DISP3: variants seen among roughly 807,000 people sequenced by gnomAD.
DISP3 encodes the protein dispatched RND transporter family member 3.
DISP3 carries 101 observed loss-of-function variants against 135.3 expected under a neutral mutation model. The ratio of observed to expected loss-of-function variants is 0.75; its 90% CI spans 0.64 to 0.88. The LOEUF (loss-of-function observed/expected upper bound fraction) is 0.88, where lower values mean the gene tolerates loss of function less well. Among genes scored for constraint, DISP3 ranks in the 40% least tolerant of loss-of-function variants. The probability of loss-of-function intolerance (pLI) is 0.00; values close to 1 mark genes in which losing one functional copy is unlikely to be tolerated. For synonymous variants in DISP3, 856 were observed against 817.0 expected (o/e 1.05, Z -0.81); for missense variants, 1,713 against 1,878.6 (o/e 0.91, Z 1.63).
chr1:11,502,659 C>T lies in DISP3; in HGVS notation c.1097-19C>T, dbSNP rs1286739466. 1 of 1,608,846 alleles carries T rather than the reference C, an allele frequency of 6.2e-7. No individual in the cohort carries two copies. Among genetic ancestry groups the T allele is most frequent in the Non-Finnish European group, 8.5e-7 (1 of 1,177,094 alleles). On this transcript the variant is annotated intron_variant, in intron 2 of 20. Coordinates refer to ENST00000294484, the MANE Select transcript of DISP3 (RefSeq NM_020780.2). ...GCTGACCAGCTGAACTCTTGGGGCC[C>T]CCACCCCTGTCCTTGCAGGCTCCCT...
rs775897318 is a variant in DISP3 at position 11,500,873 on chromosome 1, G to A, written c.-3-117G>A. On this transcript the variant is annotated intron_variant, in intron 1 of 20. Coordinates refer to ENST00000294484, the MANE Select transcript of DISP3 (RefSeq NM_020780.2). ...GCATGCTTGATGCAATTCCATTGCA[G>A]TATTAGTATTTGGTTATGAGTGGAC... 5 of 1,106,586 alleles carry A rather than the reference G, an allele frequency of 4.5e-6. No homozygotes were observed. In the East Asian group the frequency reaches 9.5e-5, roughly 21 times the overall value. 68.5% of individuals were successfully genotyped at this position (1,106,586 alleles called of 1,614,324 possible).
chr1:11,500,692 C>T (rs571648508), intron 1 of DISP3, among the ~76,000 whole-genome samples: 2 of 152,214 alleles, frequency 1.3e-5, no homozygotes, highest in African/African-American at 4.8e-5. Context: ...TTAAATCCCT[C>T]ACCCCAGGAG....
chr1:11,524,659 G>A (rs1395329001), intron 11 of DISP3, among the ~76,000 whole-genome samples: 1 of 69,364 alleles, frequency 1.4e-5, no homozygotes. Context: ...CCCCATCCCT[G>A]TGCCCACCAT....
intron 1 of DISP3, among the ~76,000 whole-genome samples, chr1:11,489,561 C>G (rs1237213992): frequency 6.6e-6 from 1 of 152,184 alleles, no homozygotes; most frequent in African/African-American, 2.4e-5. Context: ...AGAGAGGTGA[C>G]GGGGAGCCTC....
rs1013396484 is a variant in DISP3 at position 11,531,887 on chromosome 1, C to T, written c.3375+177C>T. Among the ~76,000 whole-genome samples, 1 of 152,248 alleles carries T rather than the reference C, an allele frequency of 6.6e-6. No individual in the cohort carries two copies. Among genetic ancestry groups the T allele is most frequent in the Non-Finnish European group, 1.5e-5 (1 of 68,034 alleles). Reference sequence around the variant, plus strand: ...AGTGTCGAGTGTGAAACCAGACCGCCTAACTGCAGAGCTCTGCCCTTTCTT... The same window carrying T: ...AGTGTCGAGTGTGAAACCAGACCGCTTAACTGCAGAGCTCTGCCCTTTCTT... On this transcript the variant is annotated intron_variant, in intron 17 of 20. Transcript: ENST00000294484. This position sits in a 1 kb window ranked among gnomAD's most constrained non-coding sequence, Gnocchi z 5.2.
At chr1:11,509,413 T>A (rs1641793365) in intron 3 of DISP3, among the ~76,000 whole-genome samples, 1 of 152,198 alleles carries the variant, frequency 6.6e-6, no homozygotes, top group Non-Finnish European at 1.5e-5. Context: ...ATCAAGTTCA[T>A]TGATTGTGTT....
In DISP3 at chr1:11,517,453, C is replaced by G; in HGVS notation, c.1750-10C>G. 6.2e-7 allele frequency: 1 copy of G among 1,613,768 alleles called. No individual in the cohort carries two copies. ...CTGTCCCACATCCCTCTCTTCCTTT[C>G]CATCACCAGATCCCAGCCGTCCACG... is the stretch of plus-strand genomic sequence containing the variant. On this transcript the variant is annotated splice_polypyrimidine_tract_variant and intron_variant, in intron 6 of 20. Coordinates refer to ENST00000294484, the MANE Select transcript of DISP3 (RefSeq NM_020780.2).
intron 19 of DISP3, 114 bp downstream of exon 19, chr1:11,535,238 C>G (rs2594311): frequency 0.1 from 115,392 of 1,110,382 alleles, 11,693 homozygotes; most frequent in African/African-American, 0.46. Flanking sequence ...CACATCTCAG[C>G]GGAGGCTCAT....
rs148925400 is a variant in DISP3 at position 11,523,385 on chromosome 1, C to T, written c.2363-557C>T. Among the ~76,000 whole-genome samples the T allele has an allele frequency of 9.2e-5, 14 of 152,250 alleles. No homozygotes were observed. In the East Asian group the frequency reaches 2.5e-3, roughly 27 times the overall value. On this transcript the variant is annotated intron_variant, in intron 10 of 20. Transcript: ENST00000294484. ...ATGCAGAGGATGTGATGTCCCACCCCCGAGGGAAGTGTGGCATCATCTCCA... is the reference window on the plus strand; with the variant it reads ...ATGCAGAGGATGTGATGTCCCACCCTCGAGGGAAGTGTGGCATCATCTCCA...
intron 1 of DISP3, among the ~76,000 whole-genome samples, chr1:11,497,211 T>C (rs1641358933): frequency 6.6e-6 from 1 of 152,112 alleles, no homozygotes; most frequent in African/African-American, 2.4e-5. Context: ...AATTAAAATT[T>C]TAAAAAATTT....
chr1:11,520,660 G>T lies in DISP3; in HGVS notation c.2201-27G>T. On this transcript the variant is annotated intron_variant, in intron 9 of 20. Coordinates refer to ENST00000294484, the MANE Select transcript of DISP3 (RefSeq NM_020780.2). This position sits in a 1 kb window ranked among gnomAD's most constrained non-coding sequence, Gnocchi z 4.8. Reference sequence around the variant, plus strand: ...GAACAGACCAGCTGGGCCCAGCCCCGCCTGGTGTAGCGCCCTTTCCTCACA... The same window carrying T: ...GAACAGACCAGCTGGGCCCAGCCCCTCCTGGTGTAGCGCCCTTTCCTCACA... 3 of 1,605,524 alleles carry T rather than the reference G, an allele frequency of 1.9e-6. No homozygotes were observed. The highest frequency in any genetic ancestry group is 2.6e-6 in the Non-Finnish European group (3 of 1,174,654).
intron 1 of DISP3, among the ~76,000 whole-genome samples, 193 bp downstream of exon 1, chr1:11,479,565 C>A (rs113875216): frequency 2.0e-5 from 3 of 152,204 alleles, no homozygotes; most frequent in Non-Finnish European, 4.4e-5. Context: ...CAGGGGTGGA[C>A]AGAACCCAAG....
rs953514519 is a variant in DISP3 at position 11,516,675 on chromosome 1, G to C, written c.1749+514G>C. On this transcript the variant is annotated intron_variant, in intron 6 of 20. Coordinates refer to ENST00000294484, the MANE Select transcript of DISP3 (RefSeq NM_020780.2). The surrounding 1 kb of genome is among the most constrained non-coding windows in gnomAD (Gnocchi z 5.1). ...TGAGTGGGGCTTAGGAGAAGGCATT[G>C]AGCCCAGGCTGGGTCCTTGGTACAG... Among the ~76,000 whole-genome samples, 1 of 152,192 alleles carries C rather than the reference G, an allele frequency of 6.6e-6. No individual in the cohort carries two copies. The highest frequency in any genetic ancestry group is 2.4e-5 in the African/African-American group (1 of 41,458).
chr1:11,491,904 C>T lies in DISP3; in HGVS notation c.-3-9086C>T, dbSNP rs996629079. Among the ~76,000 whole-genome samples, 3 of 151,692 alleles carry T rather than the reference C, an allele frequency of 2.0e-5. No individual in the cohort carries two copies. The highest frequency in any genetic ancestry group is 4.8e-5 in the African/African-American group (2 of 41,262). On this transcript the variant is annotated intron_variant, in intron 1 of 20. Coordinates refer to ENST00000294484, the MANE Select transcript of DISP3 (RefSeq NM_020780.2). This position sits in a 1 kb window ranked among gnomAD's most constrained non-coding sequence, Gnocchi z 4.3. ...TTGGGAGGCCGAGGCGGGCGGATCA[C>T]GAGGTCAGGAGATCGAGACCATCCC...
At chr1:11,484,415 C>T (rs1452259910) in intron 1 of DISP3, among the ~76,000 whole-genome samples, 1 of 152,222 alleles carries the variant, frequency 6.6e-6, no homozygotes, top group Non-Finnish European at 1.5e-5. Flanking sequence ...ATTTATATTA[C>T]ACCTCCAGGC....
chr1:11,505,520 A>T (rs1641673494), intron 3 of DISP3, among the ~76,000 whole-genome samples: 1 of 152,338 alleles, frequency 6.6e-6, no homozygotes, highest in African/African-American at 2.4e-5. Context: ...GTTTTCTCCC[A>T]TTAGAGCGTC....
chr1:11,518,593 T>G (rs913478424), intron 7 of DISP3, among the ~76,000 whole-genome samples: 10 of 152,178 alleles, frequency 6.6e-5, no homozygotes, highest in African/African-American at 2.4e-4. Context: ...TGGGGCTGTC[T>G]CCCCAGTGGT....
chr1:11,528,680 G>A (rs935845784), intron 13 of DISP3, among the ~76,000 whole-genome samples: 1 of 152,148 alleles, frequency 6.6e-6, no homozygotes, highest in Non-Finnish European at 1.5e-5. Context: ...GACAGAACTC[G>A]GTGATACGCG....
chr1:11,500,108 G>A (rs1410499806), intron 1 of DISP3, among the ~76,000 whole-genome samples: 50 of 152,234 alleles, frequency 3.3e-4, no homozygotes, highest in Non-Finnish European at 5.9e-5. Context: ...AAGTCTCTGG[G>A]AGGCAGATGC....
Sources: gnomAD v4.1 joint callset for allele counts (sites outside exome capture counted in the v4.1 genomes callset) on GRCh38, gnomAD v4.1.1 for gene constraint, Gnocchi (gnomAD v3.1) non-coding constraint, MANE v1.5 for transcripts, NCBI Gene and HGNC (gene_info 2026-07-23, HGNC 2026-07-21) for gene names.